Variants in NELL1 observed in about 807,000 individuals in gnomAD.
NELL1 encodes protein kinase C-binding protein NELL1.
A neutral mutation model predicts 107.4 loss-of-function variants in NELL1; 76 were observed. That is an observed-to-expected ratio of 0.71 (90% CI 0.59 to 0.86). NELL1 has a LOEUF of 0.86. Ranked by LOEUF, NELL1 falls within the 40% of genes least tolerant of loss-of-function variation. NELL1 has a pLI of 0.00. For missense variants in NELL1, 1,024 were observed against 1,005.5 expected (o/e 1.02, Z -0.25); for synonymous variants, 353 against 341.2 (o/e 1.03, Z -0.38).
chr11:20,921,799 T>TG (rs67408310), intron 7 of NELL1, among the ~76,000 whole-genome samples: 33 of 105,590 alleles, frequency 3.1e-4, no homozygotes, highest in Middle Eastern at 4.0e-3. Context: ...ATTGTGTGTG[T>TG]TTTTTTTTTT....
intron 2 of NELL1, among the ~76,000 whole-genome samples, chr11:20,740,595 T>C (rs1855867624): frequency 6.6e-6 from 1 of 152,124 alleles, no homozygotes; most frequent in African/African-American, 2.4e-5. Flanking sequence ...CTTAACAGAT[T>C]GCTGCTGATG....
intron 15 of NELL1, among the ~76,000 whole-genome samples, chr11:21,495,748 C>T (rs1854960731): frequency 6.6e-6 from 1 of 151,960 alleles, no homozygotes; most frequent in Non-Finnish European, 1.5e-5. Context: ...TTTGCATTTT[C>T]CTGATGACTA....
intron 12 of NELL1, among the ~76,000 whole-genome samples, chr11:20,964,653 C>T (rs1340141459): frequency 6.6e-6 from 1 of 152,166 alleles, no homozygotes; most frequent in Admixed American, 6.5e-5. Context: ...CCCTCTTCTT[C>T]CACTACCCAC....
chr11:20,775,378 T>C (rs1856730415), intron 2 of NELL1, among the ~76,000 whole-genome samples: 1 of 152,248 alleles, frequency 6.6e-6, no homozygotes, highest in Non-Finnish European at 1.5e-5. Flanking sequence ...TATATAATTT[T>C]CCATGGGGTG....
intron 2 of NELL1, among the ~76,000 whole-genome samples, chr11:20,777,445 T>A (rs760040000): frequency 2.0e-5 from 3 of 152,208 alleles, no homozygotes; most frequent in South Asian, 4.1e-4. Context: ...CTGGGAGTCT[T>A]CTAGTGACTT....
intron 13 of NELL1, among the ~76,000 whole-genome samples, chr11:21,171,236 T>C (rs1423193717): frequency 6.6e-6 from 1 of 151,840 alleles, no homozygotes; most frequent in African/African-American, 2.4e-5. Context: ...CCCATTGTTT[T>C]AGATATTTTT....
intron 15 of NELL1, among the ~76,000 whole-genome samples, chr11:21,420,072 G>C (rs1034345013): frequency 1.3e-5 from 2 of 151,992 alleles, no homozygotes; most frequent in Non-Finnish European, 2.9e-5. Context: ...GTGTACGTGT[G>C]TTTGAATGGA....
chr11:21,291,510 C>T (rs949115285), intron 14 of NELL1, among the ~76,000 whole-genome samples: 2 of 152,134 alleles, frequency 1.3e-5, no homozygotes, highest in East Asian at 1.9e-4. Context: ...GGAGTTAGTA[C>T]CATTCCTTCT....
intron 13 of NELL1, among the ~76,000 whole-genome samples, chr11:21,213,071 T>A (rs1015181971): frequency 1.3e-5 from 2 of 152,184 alleles, no homozygotes; most frequent in African/African-American, 4.8e-5. Context: ...AACTGATGTG[T>A]AGAAACTAGA....
chr11:20,695,540 T>C (rs1474672052), intron 2 of NELL1, among the ~76,000 whole-genome samples: 2 of 152,132 alleles, frequency 1.3e-5, no homozygotes, highest in Non-Finnish European at 2.9e-5. Context: ...TCTGTGCCTA[T>C]TTGGATGATC....
At chr11:21,320,322 C>T (rs899049995) in intron 14 of NELL1, among the ~76,000 whole-genome samples, 7 of 151,996 alleles carry the variant, frequency 4.6e-5, no homozygotes, top group South Asian at 2.1e-4. Context: ...GAAAACTGCT[C>T]GAGAGATCAT....
At chr11:21,290,398 G>GATAAATAAATAAATAA (rs367977438) in intron 14 of NELL1, among the ~76,000 whole-genome samples, 107 of 146,446 alleles carry the variant, frequency 7.3e-4, no homozygotes, top group Admixed American at 1.6e-3. Flanking sequence ...AAAATAAATA[G>GATAAATAAATAAATAA]ATAAATAAAT....
chr11:21,010,480 A>G (rs1257074360), intron 12 of NELL1, among the ~76,000 whole-genome samples: 3 of 151,890 alleles, frequency 2.0e-5, no homozygotes, highest in African/African-American at 7.2e-5. Flanking sequence ...ATAAACCCCA[A>G]TGCCTGGGGC....
intron 15 of NELL1, among the ~76,000 whole-genome samples, chr11:21,514,290 T>C (rs1019303244): frequency 3.9e-5 from 6 of 152,262 alleles, no homozygotes; most frequent in Non-Finnish European, 8.8e-5. Context: ...TTCCAAATTT[T>C]GTGTATATTT....
intron 12 of NELL1, among the ~76,000 whole-genome samples, chr11:21,080,883 T>C (rs545601311): frequency 6.6e-6 from 1 of 151,982 alleles, no homozygotes; most frequent in South Asian, 2.1e-4. Flanking sequence ...CAATCTGATA[T>C]ATATTACATA....
At chr11:20,983,146 AGTTCT>A (rs1193122541) in intron 12 of NELL1, among the ~76,000 whole-genome samples, 1 of 152,132 alleles carries the variant, frequency 6.6e-6, no homozygotes, top group Admixed American at 6.6e-5. Context: ...CGCTGTTTAT[AGTTCT>A]GTATCAGTAT....
chr11:21,211,201 C>T (rs1313827582), intron 13 of NELL1, among the ~76,000 whole-genome samples: 8 of 152,142 alleles, frequency 5.3e-5, no homozygotes, highest in Non-Finnish European at 1.5e-5. Flanking sequence ...GAAATTGCCT[C>T]ACTCAAGGAA....
At chr11:21,428,971 T>A (rs934867224) in intron 15 of NELL1, among the ~76,000 whole-genome samples, 10 of 152,200 alleles carry the variant, frequency 6.6e-5, no homozygotes, top group African/African-American at 2.4e-4. Context: ...TGGGTAGTAA[T>A]GGCCTGATAG....
chr11:21,087,303 A>G (rs780392322), intron 12 of NELL1, among the ~76,000 whole-genome samples: 133 of 152,242 alleles, frequency 8.7e-4, no homozygotes, highest in Non-Finnish European at 6.2e-4. Flanking sequence ...TTATGTTCAT[A>G]TCCTGGAACT....
Sources: gnomAD v4.1 joint callset for allele counts (sites outside exome capture counted in the v4.1 genomes callset) on GRCh38, gnomAD v4.1.1 for gene constraint, MANE v1.5 for transcripts, NCBI Gene and HGNC (gene_info 2026-07-23, HGNC 2026-07-21) for gene names.